The following WDR7 variants were observed in gnomAD, a reference collection of about 807,000 sequenced individuals.
WDR7 encodes WD repeat-containing protein 7.
A neutral mutation model predicts 169.4 loss-of-function variants in WDR7; 46 were observed. That is an observed-to-expected ratio of 0.27 (90% CI 0.21 to 0.35). The LOEUF (loss-of-function observed/expected upper bound fraction) is 0.35, where lower values mean the gene tolerates loss of function less well. Among genes scored for constraint, WDR7 ranks in the 10% least tolerant of loss-of-function variants. The pLI, the probability that WDR7 is intolerant of heterozygous loss-of-function variation, is 1.00. For synonymous variants in WDR7, 612 were observed against 666.8 expected, an observed-to-expected ratio of 0.92 and a Z score of 1.27; for missense variants, 1,534 against 1,859.3, an observed-to-expected ratio of 0.83 and a Z score of 3.22.
intron 26 of WDR7, among the ~76,000 whole-genome samples, chr18:57,005,600 G>A (rs919334471): frequency 6.6e-6 from 1 of 152,028 alleles, no homozygotes; most frequent in Non-Finnish European, 1.5e-5. Context: ...TATTTGGGTA[G>A]GGTTTTCAGT....
intron 13 of WDR7, 65 bp from the exon 14 acceptor site, chr18:56,731,318 C>T: frequency 4.7e-5 from 71 of 1,515,218 alleles, no homozygotes; most frequent in Middle Eastern, 2.3e-4. Flanking sequence ...ACCATTTTTT[C>T]TTTACTTAAA....
At chr18:56,730,854 A>G (rs1027472331) in intron 13 of WDR7, among the ~76,000 whole-genome samples, 2 of 152,184 alleles carry the variant, frequency 1.3e-5, no homozygotes, top group African/African-American at 4.8e-5. Context: ...ATACGAAGAA[A>G]CATTTGGCTG....
intron 12 of WDR7, 103 bp downstream of exon 12, chr18:56,696,565 A>G (rs970177298): frequency 2.0e-6 from 2 of 993,834 alleles, no homozygotes; most frequent in Non-Finnish European, 2.9e-6. Flanking sequence ...GAAGTGTGAC[A>G]AGATAATTAA....
chr18:56,985,634 A>T (rs2047704368), intron 26 of WDR7, among the ~76,000 whole-genome samples: 1 of 152,076 alleles, frequency 6.6e-6, no homozygotes, highest in Non-Finnish European at 1.5e-5. Flanking sequence ...AGCTTTAATC[A>T]GTGGAAAATG....
At chr18:56,747,504 C>T (rs943211559) in intron 14 of WDR7, among the ~76,000 whole-genome samples, 1 of 152,196 alleles carries the variant, frequency 6.6e-6, no homozygotes. Context: ...GCATCAGTTA[C>T]ACCCACACCC....
chr18:56,845,702 G>A (rs1008791314), intron 20 of WDR7, among the ~76,000 whole-genome samples: 2 of 151,944 alleles, frequency 1.3e-5, no homozygotes, highest in African/African-American at 4.8e-5. Flanking sequence ...ATTATTAGCT[G>A]GTAATCTCCA....
At chr18:56,908,968 G>T (rs998843191) in intron 21 of WDR7, among the ~76,000 whole-genome samples, 1 of 152,154 alleles carries the variant, frequency 6.6e-6, no homozygotes, top group Non-Finnish European at 1.5e-5. Flanking sequence ...TGTGATTGAA[G>T]AAAGTAACTA....
intron 1 of WDR7, among the ~76,000 whole-genome samples, chr18:56,666,652 C>T (rs1304479351): frequency 6.6e-6 from 1 of 152,142 alleles, no homozygotes; most frequent in East Asian, 1.9e-4. Context: ...TCTTGATTAA[C>T]CAGAATGCCT....
At chr18:56,879,923 A>T in intron 20 of WDR7, 21 bp from the exon 21 acceptor site, 1 of 1,572,026 alleles carries the variant, frequency 6.4e-7, no homozygotes, top group Non-Finnish European at 8.7e-7. Flanking sequence ...CTAAGTTGAG[A>T]TTCTATGTTT....
At chr18:56,963,846 G>C (rs1198611246) in intron 26 of WDR7, among the ~76,000 whole-genome samples, 1 of 151,722 alleles carries the variant, frequency 6.6e-6, no homozygotes, top group Non-Finnish European at 1.5e-5. Context: ...AGCATTTTCA[G>C]ATTCTCTTTT....
intron 20 of WDR7, among the ~76,000 whole-genome samples, chr18:56,855,334 C>T (rs1042331857): frequency 1.6e-4 from 24 of 152,064 alleles, no homozygotes; most frequent in African/African-American, 5.5e-4. Context: ...TAAGTATACT[C>T]TCTCAGCTTG....
At chr18:56,707,458 T>G (rs1306595455) in intron 12 of WDR7, among the ~76,000 whole-genome samples, 7 of 151,638 alleles carry the variant, frequency 4.6e-5, no homozygotes, top group African/African-American at 1.7e-4. Context: ...AGATAGAAGT[T>G]TCAAGATAAT....
intron 14 of WDR7, among the ~76,000 whole-genome samples, chr18:56,732,424 C>T (rs780951819): frequency 1.3e-5 from 2 of 152,032 alleles, no homozygotes; most frequent in Admixed American, 6.6e-5. Flanking sequence ...TAATTTTAGT[C>T]TCTCCTTGAT....
chr18:56,762,995 C>T (rs1218105054), intron 16 of WDR7, among the ~76,000 whole-genome samples: 1 of 150,748 alleles, frequency 6.6e-6, no homozygotes, highest in African/African-American at 2.4e-5. Flanking sequence ...GAGTCTGGCT[C>T]TGTCGCCCAG....
chr18:56,913,345 C>T (rs965691357), intron 21 of WDR7, among the ~76,000 whole-genome samples: 9 of 152,128 alleles, frequency 5.9e-5, no homozygotes, highest in African/African-American at 1.9e-4. Context: ...AACTCTTCTT[C>T]TCTCTTATTA....
intron 19 of WDR7, among the ~76,000 whole-genome samples, chr18:56,791,221 A>T (rs951688811): frequency 6.6e-6 from 1 of 152,188 alleles, no homozygotes; most frequent in African/African-American, 2.4e-5. Flanking sequence ...CATTTGAAAT[A>T]TGGTCTTGGA....
intron 13 of WDR7, among the ~76,000 whole-genome samples, chr18:56,723,578 T>C (rs1296051917): frequency 6.6e-6 from 1 of 152,156 alleles, no homozygotes; most frequent in African/African-American, 2.4e-5. Flanking sequence ...CTGTCAACCT[T>C]ATGTTTCCTC....
At chr18:56,968,519 C>A (rs1720429949) in intron 26 of WDR7, among the ~76,000 whole-genome samples, 1 of 152,172 alleles carries the variant, frequency 6.6e-6, no homozygotes, top group African/African-American at 2.4e-5. Flanking sequence ...CATAAAAGAT[C>A]TATCTATATT....
intron 26 of WDR7, among the ~76,000 whole-genome samples, chr18:56,989,937 A>ATCC (rs1206100929): frequency 1.7e-4 from 26 of 152,220 alleles, no homozygotes; most frequent in Non-Finnish European, 3.4e-4. Flanking sequence ...ACCCAAGTCT[A>ATCC]TAGTAAGTGT....
Sources: gnomAD v4.1 joint callset for allele counts (sites outside exome capture counted in the v4.1 genomes callset) on GRCh38, gnomAD v4.1.1 for gene constraint, MANE v1.5 for transcripts, NCBI Gene and HGNC (gene_info 2026-07-23, HGNC 2026-07-21) for gene names.